Variants in CARD8 observed in about 807,000 individuals in gnomAD.
The protein encoded by CARD8 is caspase recruitment domain-containing protein 8.
Under a neutral mutation model 53.2 loss-of-function variants are expected in CARD8, and 38 were observed. The ratio of observed to expected loss-of-function variants is 0.71; its 90% CI spans 0.55 to 0.94. The LOEUF (loss-of-function observed/expected upper bound fraction) is 0.94. Among genes scored for constraint, CARD8 ranks in the 40% least tolerant of loss-of-function variants. The probability of loss-of-function intolerance (pLI) is 0.00; values close to 1 mark genes in which losing one functional copy is unlikely to be tolerated. For synonymous variants in CARD8, 245 were observed against 244.9 expected (o/e 1.00, Z 0.00); for missense variants, 561 against 655.5 (o/e 0.86, Z 1.57).
Position 48,249,805 on chromosome 19 carries a change from T to C in CARD8, c.-209A>G, listed in dbSNP as rs1022387584. On this transcript the variant is annotated 5_prime_UTR_variant, in exon 2 of 14. Transcript: ENST00000651546. ...GGAAGGAGGAGCGGAGGCTTGTTGC[T>C]TGGACACTGCCAGGCTGCTCTGTGT... 5.9e-5 allele frequency: 9 copies of C among 152,436 alleles called. No homozygotes were observed. The highest frequency in any genetic ancestry group is 3.3e-4 in the Admixed American group (5 of 15,268). The allele number at this position is 152,436 out of a possible 1,614,324, so 9.4% of individuals were successfully genotyped here.
chr19:48,240,528 G>A (rs573722555), intron 4 of CARD8, among the ~76,000 whole-genome samples: 33 of 152,208 alleles, frequency 2.2e-4, no homozygotes, highest in African/African-American at 7.7e-4. Context: ...CAGCACTTTG[G>A]GAGGCCGAGG....
At chr19:48,238,166 C>T (rs1191541588) in intron 5 of CARD8, 24 of 732,374 alleles carry the variant, frequency 3.3e-5, no homozygotes, top group South Asian at 6.4e-5. Context: ...GCTGAGATTA[C>T]AGGTGTGAGC....
intron 10 of CARD8, among the ~76,000 whole-genome samples, chr19:48,228,439 A>G (rs1382185257): frequency 6.6e-6 from 1 of 151,562 alleles, no homozygotes; most frequent in Non-Finnish European, 1.5e-5. Flanking sequence ...TCAGTGGAAT[A>G]GCATTCCACT....
intron 10 of CARD8, 67 bp from the exon 11 acceptor site, chr19:48,221,922 G>T: frequency 7.2e-7 from 1 of 1,388,610 alleles, no homozygotes; most frequent in Non-Finnish European, 9.8e-7. Context: ...GGCATAAAAA[G>T]TTATTTATAT....
At chr19:48,237,169 A>G (rs982488991) in intron 5 of CARD8, among the ~76,000 whole-genome samples, 1 of 151,910 alleles carries the variant, frequency 6.6e-6, no homozygotes, top group African/African-American at 2.4e-5. Context: ...GTGCTGCAGG[A>G]TGTACATCAT....
At chr19:48,213,418 A>G (rs752098805) in intron 13 of CARD8, among the ~76,000 whole-genome samples, 8 of 152,038 alleles carry the variant, frequency 5.3e-5, no homozygotes, top group Non-Finnish European at 1.0e-4. Flanking sequence ...TCTTGTCCCC[A>G]GGCTGGAGTG....
At chr19:48,233,439 C>A (rs1013231908) in intron 6 of CARD8, 1 of 455,922 alleles carries the variant, frequency 2.2e-6, no homozygotes. Flanking sequence ...GGCTTTACAG[C>A]GCTTTTCTCG....
intron 6 of CARD8, chr19:48,232,865 C>T (rs2043169377): frequency 2.2e-6 from 1 of 449,990 alleles, no homozygotes; most frequent in Non-Finnish European, 4.4e-6. Context: ...AACACACTCC[C>T]TTGAGCCAAA....
At chr19:48,231,459 C>T (rs2042870267) in intron 8 of CARD8, among the ~76,000 whole-genome samples, 1 of 152,088 alleles carries the variant, frequency 6.6e-6, no homozygotes, top group South Asian at 2.1e-4. Context: ...CGGGTGCCAC[C>T]ACGCCTGACT....
downstream of CARD8, among the ~76,000 whole-genome samples, chr19:48,204,721 C>T (rs1329368575): frequency 6.6e-6 from 1 of 151,816 alleles, no homozygotes; most frequent in South Asian, 2.1e-4. Context: ...GACTGGGAGG[C>T]GATTGGGAAG....
At chr19:48,249,323 T>C (rs753674955) in intron 3 of CARD8, among the ~76,000 whole-genome samples, 200 bp downstream of exon 3, 7 of 152,246 alleles carry the variant, frequency 4.6e-5, no homozygotes, top group Non-Finnish European at 1.0e-4. Context: ...AATACATAAA[T>C]CATGCAGGGG....
intron 3 of CARD8, among the ~76,000 whole-genome samples, chr19:48,243,141 C>T (rs2892050): frequency 0.99 from 151,510 of 152,314 alleles, 75,357 homozygotes; most frequent in Middle Eastern, 1. Context: ...GCCTCCTGAG[C>T]AGCTGGGACT....
chr19:48,253,770 T>C (rs962894629), intron 1 of CARD8, among the ~76,000 whole-genome samples: 4 of 152,226 alleles, frequency 2.6e-5, no homozygotes, highest in African/African-American at 9.6e-5. Flanking sequence ...ACACTTTCAA[T>C]ATGTATATAG....
Position 48,230,899 on chromosome 19 carries a change from T to C in CARD8, c.650A>G (p.His217Arg), listed in dbSNP as rs1184131384. 5 of 1,613,976 alleles carry C rather than the reference T, an allele frequency of 3.1e-6. No individual in the cohort carries two copies. In the Admixed American group the frequency reaches 8.3e-5, roughly 27 times the overall value. ...ATGGTGCTGCAGGTCCAGGGCCAGG[T>C]GCTGACTCCAGGAACCAAACGCAAT... is the stretch of plus-strand genomic sequence containing the variant. The part of the protein sequence containing the change: ...VTIAFGSWSQ[H>R]LALDLQHHEQ... Residue 217 changes from histidine (H) to arginine (R), a missense_variant, in exon 9 of 14, where the codon CAC (histidine) becomes CGC (arginine). Physicochemically the swap from His to Arg is conservative, Grantham distance 29. Coordinates refer to ENST00000651546, the MANE Select transcript of CARD8 (RefSeq NM_001184900.3).
chr19:48,220,972 AGG>A (rs2040432176), intron 11 of CARD8, among the ~76,000 whole-genome samples: 3 of 92,640 alleles, frequency 3.2e-5, no homozygotes, highest in Admixed American at 1.2e-4. Flanking sequence ...GAAGGAAGGA[AGG>A]AAGGAAGGAA....
At chr19:48,252,977 A>C (rs542916257) in intron 1 of CARD8, among the ~76,000 whole-genome samples, 1 of 152,224 alleles carries the variant, frequency 6.6e-6, no homozygotes, top group East Asian at 1.9e-4. Flanking sequence ...GCACTGCTCT[A>C]TGGCACTTCT....
intron 4 of CARD8, among the ~76,000 whole-genome samples, chr19:48,239,082 T>C (rs529060993): frequency 8.0e-4 from 122 of 152,324 alleles, no homozygotes; most frequent in African/African-American, 2.6e-3. Context: ...CTATCCTTCG[T>C]TGGTCCTAAA....
intron 1 of CARD8, among the ~76,000 whole-genome samples, chr19:48,254,404 A>G (rs1175140127): frequency 6.6e-6 from 1 of 152,226 alleles, no homozygotes; most frequent in Non-Finnish European, 1.5e-5. Flanking sequence ...TGAAGACTAG[A>G]TAAGAACCAC....
In CARD8 at chr19:48,230,668, C is replaced by T. The variant is rs1260853048; in HGVS notation, c.805G>A (p.Ala269Thr). Residue 269 changes from alanine (A) to threonine (T), a missense_variant, in exon 10 of 14, where the codon GCC (alanine) becomes ACC (threonine). Physicochemically the swap from Ala to Thr is moderately conservative, Grantham distance 58. Transcript: ENST00000651546. ...GEVDVSWFLV[A>T]HFKNEGMVLE... ...ACCATCCCTTCATTCTTAAAATGGG[C>T]AACGAGAAACCAGGAGACGTCCACC... The T allele has an allele frequency of 6.2e-7, 1 of 1,613,882 alleles. No homozygotes were observed.
Sources: gnomAD v4.1 joint callset for allele counts (sites outside exome capture counted in the v4.1 genomes callset) on GRCh38, gnomAD v4.1.1 for gene constraint, MANE v1.5 for transcripts, NCBI Gene and HGNC (gene_info 2026-07-23, HGNC 2026-07-21) for gene names.